Variants in GRK7 observed in about 807,000 individuals in gnomAD.
The protein encoded by GRK7 is G protein-coupled receptor kinase 7.
In GRK7, 24 loss-of-function variants were observed where a neutral mutation model predicts 34.1. That is an observed-to-expected ratio of 0.70 (90% confidence interval 0.51 to 0.99). The LOEUF (loss-of-function observed/expected upper bound fraction) is 0.99, where lower values mean the gene tolerates loss of function less well. Ranked by LOEUF, GRK7 falls within the 50% of genes least tolerant of loss-of-function variation. The pLI is 0.00. For missense variants in GRK7, 644 were observed against 707.3 expected, an observed-to-expected ratio of 0.91 and a Z score of 1.02; for synonymous variants, 256 against 279.4, an observed-to-expected ratio of 0.92 and a Z score of 0.84.
the GRK7 span, among the ~76,000 whole-genome samples, chr3:141,757,126 CTTCTTTT>C: frequency 4.2e-4 from 39 of 92,620 alleles, no homozygotes; most frequent in South Asian, 9.1e-4. Context: ...CTTAGATCTT[CTTCTTTT>C]TTTTTTTTTT....
intron 4 of GRK7, among the ~76,000 whole-genome samples, chr3:141,797,537 T>G (rs147681922): frequency 1.1e-3 from 171 of 152,362 alleles, no homozygotes; most frequent in African/African-American, 3.9e-3. Flanking sequence ...CTTGTTTTTT[T>G]CCTCTGCTCA....
At chr3:141,812,634 C>T (rs552523266) in intron 5 of GRK7, among the ~76,000 whole-genome samples, 1 of 152,308 alleles carries the variant, frequency 6.6e-6, no homozygotes, top group South Asian at 2.1e-4. Flanking sequence ...CTCAGAGTGA[C>T]CCATGGTTTC....
chr3:141,799,284 C>T (rs1710925788), intron 4 of GRK7, among the ~76,000 whole-genome samples: 1 of 152,122 alleles, frequency 6.6e-6, no homozygotes. Flanking sequence ...GTCACTTCAC[C>T]TACTTCTATA....
chr3:141,804,013 C>T (rs1406344549), intron 4 of GRK7, among the ~76,000 whole-genome samples: 1 of 152,050 alleles, frequency 6.6e-6, no homozygotes, highest in Non-Finnish European at 1.5e-5. Flanking sequence ...CCGGCTAGTA[C>T]TTCATTCCTT....
chr3:141,776,590 G>A (rs998030791), intron 2 of GRK7, among the ~76,000 whole-genome samples: 1 of 152,220 alleles, frequency 6.6e-6, no homozygotes, highest in South Asian at 2.1e-4. Flanking sequence ...CGGCAGAGGT[G>A]ATCGTTTCCA....
chr3:141,800,334 T>C (rs1710944133), intron 4 of GRK7, among the ~76,000 whole-genome samples: 1 of 149,038 alleles, frequency 6.7e-6, no homozygotes, highest in Non-Finnish European at 1.5e-5. Flanking sequence ...TTTTTGGTGC[T>C]TCACTCTTAA....
At chr3:141,810,131 A>G (rs1711077304) in intron 5 of GRK7, among the ~76,000 whole-genome samples, 1 of 152,222 alleles carries the variant, frequency 6.6e-6, no homozygotes, top group Admixed American at 6.6e-5. Flanking sequence ...ACTTCCCCAG[A>G]AGAAACGGTA....
At chr3:141,753,852 A>T in the GRK7 span, among the ~76,000 whole-genome samples, 3 of 152,242 alleles carry the variant, frequency 2.0e-5, no homozygotes, top group South Asian at 6.2e-4. Flanking sequence ...TAAATGCTAA[A>T]ACAATATTGG....
At chr3:141,771,628 G>A (rs759274729) in intron 1 of GRK7, among the ~76,000 whole-genome samples, 23 of 152,138 alleles carry the variant, frequency 1.5e-4, no homozygotes, top group Non-Finnish European at 1.0e-4. Context: ...TACACTAAAC[G>A]CCTAGACTTC....
In GRK7 at chr3:141,764,125, C is replaced by T. The variant is rs1451348892; in HGVS notation, c.-1828C>T. Among the ~76,000 whole-genome samples the T allele has an allele frequency of 6.6e-6, 1 of 152,170 alleles. No homozygotes were observed. The highest frequency in any genetic ancestry group is 1.5e-5 in the Non-Finnish European group (1 of 68,032). Reference sequence around the variant, plus strand: ...CTCGCTGAGTTGCTAGCTCCCAGCTCTCCATCACTACTCTTGATAATTCTT... The same window carrying T: ...CTCGCTGAGTTGCTAGCTCCCAGCTTTCCATCACTACTCTTGATAATTCTT... On this transcript the variant is annotated 5_prime_UTR_variant, in exon 1 of 6. Coordinates refer to ENST00000682958, the MANE Select transcript of GRK7 (RefSeq NM_139209.3).
chr3:141,778,642 G>A lies in GRK7; in HGVS notation c.358G>A (p.Gly120Arg), dbSNP rs752858372. 4 of 1,612,940 alleles carry A rather than the reference G, an allele frequency of 2.5e-6. No individual in the cohort carries two copies. In the East Asian group the frequency reaches 8.9e-5, roughly 36 times the overall value. The change falls in exon 3 of 6, where the codon GGG (glycine) becomes AGG (arginine). Residue 120 changes from glycine to arginine, a missense_variant. By Grantham distance (125) the Gly-to-Arg change is moderately radical. Coordinates refer to ENST00000682958, the MANE Select transcript of GRK7 (RefSeq NM_139209.3). The surrounding 1 kb of genome is among the most constrained non-coding windows in gnomAD (Gnocchi z 4.1). ...CACTTGTGCGAGTGCCCCTGCCCCG[G>A]GGAACCCGCAACCCTTCCTCAGCCA... is the stretch of plus-strand genomic sequence containing the variant. ...VATCASAPAPGNPQPFLSQAV... is the reference protein window; with the variant it reads ...VATCASAPAPRNPQPFLSQAV...
chr3:141,769,236 C>T (rs1258716557), intron 1 of GRK7, among the ~76,000 whole-genome samples: 1 of 152,178 alleles, frequency 6.6e-6, no homozygotes, highest in African/African-American at 2.4e-5. Flanking sequence ...CATCCTCCAG[C>T]TCTCCTAAGC....
At chr3:141,752,107 G>A in the GRK7 span, among the ~76,000 whole-genome samples, 4 of 151,810 alleles carry the variant, frequency 2.6e-5, no homozygotes, top group East Asian at 7.7e-4. Flanking sequence ...TGGACCTGGA[G>A]AAAAAAAATA....
At chr3:141,772,385 G>A (rs1256664390) in intron 1 of GRK7, among the ~76,000 whole-genome samples, 1 of 152,218 alleles carries the variant, frequency 6.6e-6, no homozygotes, top group Admixed American at 6.5e-5. Context: ...GAGCCACTGT[G>A]TCCGGCCTTT....
intron 3 of GRK7, among the ~76,000 whole-genome samples, chr3:141,779,683 C>A (rs1303598910): frequency 6.6e-6 from 1 of 152,200 alleles, no homozygotes; most frequent in African/African-American, 2.4e-5. Context: ...ATAGTGCCTC[C>A]CCATCCCTCT....
Position 141,792,354 on chromosome 3 carries a change from A to G in GRK7, c.1050+11543A>G, listed in dbSNP as rs550377200. The stretch of plus-strand genomic sequence containing the variant: ...AAGAGACGGAGGCTGCAGTGAGTGG[A>G]GATCATGCCACTGCACTCCAACCTG... On this transcript the variant is annotated intron_variant, in intron 4 of 5. Transcript: ENST00000682958. 2.0e-5 allele frequency among the ~76,000 whole-genome samples: 3 copies of G among 151,536 alleles called. No homozygotes were observed. The East Asian group carries it at 5.8e-4, about 29-fold the overall frequency.
chr3:141,787,286 AT>A (rs1289145972), intron 4 of GRK7, among the ~76,000 whole-genome samples: 2 of 152,192 alleles, frequency 1.3e-5, no homozygotes, highest in Non-Finnish European at 2.9e-5. Flanking sequence ...CAAATAGTTA[AT>A]AAAGGAAGGT....
At position 141,819,247 on chromosome 3, in the gene GRK7, G is replaced by A. The variant is rs16851836; in HGVS notation, c.*2197G>A. ...ATTTGTTGATTATGCCTTAAAGCTGGCAGAGGGACAAATGCAAACTAATAA... is the reference window on the plus strand; with the variant it reads ...ATTTGTTGATTATGCCTTAAAGCTGACAGAGGGACAAATGCAAACTAATAA... On this transcript the variant is annotated 3_prime_UTR_variant, in exon 6 of 6. Coordinates refer to ENST00000682958, the MANE Select transcript of GRK7 (RefSeq NM_139209.3). 0.023 allele frequency among the ~76,000 whole-genome samples: 3,559 copies of A among 152,194 alleles called. 124 individuals carry two copies. Among genetic ancestry groups the A allele is most frequent in the African/African-American group, 0.081 (3,369 of 41,508 alleles).
At position 141,807,881 on chromosome 3, in the gene GRK7, CT is replaced by C; in HGVS notation, c.1289del (p.Phe430SerfsTer10). 6.2e-7 allele frequency: 1 copy of C among 1,606,168 alleles called. No homozygotes were observed. The highest frequency in any genetic ancestry group is 1.1e-5 in the South Asian group (1 of 90,006). ...TEEAKDICRLFLAKKPEQRLG... is the reference protein window; with the variant it reads ...TEEAKDICRLXLAKKPEQRLG... ...AGGAAGCAAAAGATATTTGCAGGCT[CT>C]TCTTGGCTAAGAAACCAGAGCAACG... On this transcript the variant is annotated frameshift_variant, in exon 5 of 6. Transcript: ENST00000682958. LOFTEE classifies it high-confidence loss of function.
Sources: allele counts gnomAD v4.1 joint callset (sites outside exome capture counted in the v4.1 genomes callset), GRCh38; gene constraint gnomAD v4.1.1; non-coding constraint Gnocchi (gnomAD v3.1); transcripts MANE v1.5; gene names NCBI Gene and HGNC (gene_info 2026-07-23, HGNC 2026-07-21).